Variants in CACNA1C observed in about 807,000 individuals in gnomAD.
The protein encoded by CACNA1C is calcium voltage-gated channel subunit alpha1 C.
CACNA1C carries 30 observed loss-of-function variants against 229.0 expected under a neutral mutation model. That is an observed-to-expected ratio of 0.13 (90% CI 0.10 to 0.18). The LOEUF (loss-of-function observed/expected upper bound fraction) is 0.18, where lower values mean the gene tolerates loss of function less well. CACNA1C is among the 10% of genes least tolerant of loss of function. The pLI, the probability that CACNA1C is intolerant of heterozygous loss-of-function variation, is 1.00. For synonymous variants in CACNA1C, 1,114 were observed against 1,132.5 expected, an observed-to-expected ratio of 0.98 and a Z score of 0.33; for missense variants, 1,658 against 2,845.0, an observed-to-expected ratio of 0.58 and a Z score of 9.49.
chr12:2,440,226 G>C (rs61907855), intron 3 of CACNA1C, among the ~76,000 whole-genome samples: 1 of 152,030 alleles, frequency 6.6e-6, no homozygotes, highest in Admixed American at 6.5e-5. Context: ...CACCATTTCC[G>C]AAGTTTTTCA....
intron 1 of CACNA1C, among the ~76,000 whole-genome samples, chr12:2,097,214 C>T (rs189951258): frequency 4.6e-5 from 7 of 152,086 alleles, no homozygotes; most frequent in Non-Finnish European, 7.4e-5. Context: ...GGCGCGATCT[C>T]GGCTCACTGC....
chr12:2,578,121 G>T (rs954353175), intron 13 of CACNA1C, among the ~76,000 whole-genome samples: 1 of 152,130 alleles, frequency 6.6e-6, no homozygotes, highest in African/African-American at 2.4e-5. Flanking sequence ...GCCCGCCTCG[G>T]CCTCCCAAAG....
In CACNA1C at chr12:2,605,518, A is replaced by G. The variant is rs903044056; in HGVS notation, c.3049-161A>G. 1.3e-5 allele frequency among the ~76,000 whole-genome samples: 2 copies of G among 152,114 alleles called. No individual in the cohort carries two copies. Among genetic ancestry groups the G allele is most frequent in the Non-Finnish European group, 2.9e-5 (2 of 68,010 alleles). On this transcript the variant is annotated intron_variant, in intron 23 of 46. Coordinates refer to ENST00000399655, the MANE Select transcript of CACNA1C (RefSeq NM_000719.7). This position sits in a 1 kb window ranked among gnomAD's most constrained non-coding sequence, Gnocchi z 6.2. The stretch of plus-strand genomic sequence containing the variant: ...AGTCCAGTGGGGGCCTTTGCATCCC[A>G]TTAGGGTCCATCACTTCCCATGTGA...
chr12:2,434,522 T>C (rs764593429), intron 3 of CACNA1C, among the ~76,000 whole-genome samples: 1 of 152,216 alleles, frequency 6.6e-6, no homozygotes, highest in African/African-American at 2.4e-5. Flanking sequence ...AAACTTGATT[T>C]GTCTCCTTCC....
chr12:2,521,878 C>T (rs1037358200), intron 9 of CACNA1C, among the ~76,000 whole-genome samples: 1 of 152,324 alleles, frequency 6.6e-6, no homozygotes, highest in South Asian at 2.1e-4. Flanking sequence ...TGTTCAAAAG[C>T]TTTGAATGTG....
intron 44 of CACNA1C, 53 bp downstream of exon 44, chr12:2,685,895 C>T (rs2097436011): frequency 7.6e-7 from 1 of 1,308,994 alleles, no homozygotes; most frequent in Non-Finnish European, 1.1e-6. Flanking sequence ...CCCTAGAGAA[C>T]ACTGGTCAGG....
At position 2,034,228 on chromosome 12, in the gene CACNA1C, G is replaced by C. The variant is rs2048712959; in HGVS notation, c.139+63027G>C. Among the ~76,000 whole-genome samples the C allele has an allele frequency of 6.6e-6, 1 of 152,224 alleles. No homozygotes were observed. Among genetic ancestry groups the C allele is most frequent in the Non-Finnish European group, 1.5e-5 (1 of 68,050 alleles). On this transcript the variant is annotated intron_variant, in intron 1 of 46. Transcript: ENST00000682462. The surrounding 1 kb of genome is among the most constrained non-coding windows in gnomAD (Gnocchi z 4.1). ...ACTCGCCCAAACTCACATGCTTAGT[G>C]TGGGAAAGTTAAGATTTTGCCACAT... is the stretch of plus-strand genomic sequence containing the variant.
chr12:2,423,213 T>C (rs190553671), intron 3 of CACNA1C, among the ~76,000 whole-genome samples: 19 of 152,288 alleles, frequency 1.2e-4, no homozygotes, highest in South Asian at 2.1e-4. Flanking sequence ...GGATGTCAGC[T>C]AGTATCTAGT....
chr12:2,070,263 C>T (rs1049667374), intron 1 of CACNA1C, among the ~76,000 whole-genome samples: 1 of 152,168 alleles, frequency 6.6e-6, no homozygotes, highest in Non-Finnish European at 1.5e-5. Flanking sequence ...GTTTGCCTGG[C>T]CTTGCATATG....
At chr12:1,976,388 A>G (rs1281857384) in intron 1 of CACNA1C, among the ~76,000 whole-genome samples, 1 of 152,170 alleles carries the variant, frequency 6.6e-6, no homozygotes, top group Admixed American at 6.5e-5. Flanking sequence ...CTTTCTCATT[A>G]AATGCAGGCT....
chr12:2,382,517 T>C (rs2055296117), intron 3 of CACNA1C, among the ~76,000 whole-genome samples: 1 of 152,204 alleles, frequency 6.6e-6, no homozygotes, highest in African/African-American at 2.4e-5. Flanking sequence ...CACAAGAAGC[T>C]TACAGACTTC....
At position 2,486,086 on chromosome 12, in the gene CACNA1C, G is replaced by T; in HGVS notation, c.758-18G>T. The T allele has an allele frequency of 6.3e-7, 1 of 1,581,868 alleles. No individual in the cohort carries two copies. ...ACCGCGGTGATGCTTGGTTCAGTGA[G>T]TGGCTCTGTCCCCGCAGGTCTCCAG... On this transcript the variant is annotated intron_variant, in intron 5 of 46. Coordinates refer to ENST00000399655, the MANE Select transcript of CACNA1C (RefSeq NM_000719.7). The surrounding 1 kb of genome is among the most constrained non-coding windows in gnomAD (Gnocchi z 4.9).
chr12:2,310,352 A>AAAT lies in CACNA1C; in HGVS notation c.478-138623_478-138622insATA, dbSNP rs201363709. On this transcript the variant is annotated intron_variant, in intron 3 of 46. Coordinates refer to ENST00000399655, the MANE Select transcript of CACNA1C (RefSeq NM_000719.7). The stretch of plus-strand genomic sequence containing the variant: ...CCTCTGCCTCCCAGTTAAAAAAAAA[A>AAAT]ATATATATATATATATATATGTATG... Among the ~76,000 whole-genome samples, 494 of 139,822 alleles carry AAAT rather than the reference A, an allele frequency of 3.5e-3. 3 individuals carry two copies. The highest frequency in any genetic ancestry group is 0.029 in the East Asian group (136 of 4,644). 91.7% of individuals were successfully genotyped at this position (139,822 alleles called of 152,430 possible). A position where few individuals can be genotyped will look rare whatever the true frequency, so the allele number is the denominator to read the frequency against.
chr12:2,003,551 C>G (rs1374732154), intron 1 of CACNA1C, among the ~76,000 whole-genome samples: 1 of 152,162 alleles, frequency 6.6e-6, no homozygotes, highest in Non-Finnish European at 1.5e-5. Context: ...GTGTTCTAGG[C>G]TTCTACCCCA....
intron 18 of CACNA1C, among the ~76,000 whole-genome samples, chr12:2,590,764 G>A (rs1405497221): frequency 6.6e-6 from 1 of 152,058 alleles, no homozygotes; most frequent in African/African-American, 2.4e-5. Context: ...AGTAAATATG[G>A]GTTTCTGTAA....
intron 1 of CACNA1C, among the ~76,000 whole-genome samples, chr12:2,093,674 C>T (rs923222044): frequency 1.3e-5 from 2 of 152,222 alleles, no homozygotes; most frequent in African/African-American, 2.4e-5. Context: ...CTTTACACAA[C>T]TGTATGATCA....
intron 9 of CACNA1C, among the ~76,000 whole-genome samples, chr12:2,545,721 C>A (rs1337012261): frequency 1.3e-5 from 2 of 152,106 alleles, no homozygotes; most frequent in Non-Finnish European, 2.9e-5. Flanking sequence ...TGGCAAATTC[C>A]AACAATGCAA....
At chr12:2,564,254 T>C (rs570598016) in intron 11 of CACNA1C, among the ~76,000 whole-genome samples, 115 of 152,312 alleles carry the variant, frequency 7.6e-4, no homozygotes, top group African/African-American at 2.7e-3. Flanking sequence ...TTCCACTCTA[T>C]TCCTTTATTC....
intron 3 of CACNA1C, among the ~76,000 whole-genome samples, chr12:2,342,451 A>G (rs770352985): frequency 1.3e-5 from 2 of 152,122 alleles, no homozygotes; most frequent in African/African-American, 2.4e-5. Flanking sequence ...AATATCCACA[A>G]CTGGCAGGAT....
Sources: gnomAD v4.1 joint callset for allele counts (sites outside exome capture counted in the v4.1 genomes callset) on GRCh38, gnomAD v4.1.1 for gene constraint, Gnocchi (gnomAD v3.1) non-coding constraint, MANE v1.5 for transcripts, NCBI Gene and HGNC (gene_info 2026-07-23, HGNC 2026-07-21) for gene names.